The following OXR1 variants were observed in gnomAD, a reference collection of about 807,000 sequenced individuals.
OXR1 encodes oxidation resistance protein 1.
In OXR1, 41 loss-of-function variants were observed where a neutral mutation model predicts 104.6. The ratio of observed to expected loss-of-function variants is 0.39; its 90% CI spans 0.31 to 0.51. OXR1 has a LOEUF of 0.51. Ranked by LOEUF, OXR1 falls within the 20% of genes least tolerant of loss-of-function variation. The pLI is 0.77. For missense variants in OXR1, 955 were observed against 1,031.9 expected, an observed-to-expected ratio of 0.93 and a Z score of 1.02; for synonymous variants, 348 against 348.4, an observed-to-expected ratio of 1.00 and a Z score of 0.01.
intron 3 of OXR1, among the ~76,000 whole-genome samples, chr8:106,553,865 A>G (rs1200769760): frequency 6.6e-6 from 1 of 152,028 alleles, no homozygotes; most frequent in Non-Finnish European, 1.5e-5. Flanking sequence ...CCATTACCTT[A>G]AGCTCCCTGA....
intron 3 of OXR1, among the ~76,000 whole-genome samples, chr8:106,642,645 T>C (rs1823748732): frequency 6.6e-6 from 1 of 152,154 alleles, no homozygotes; most frequent in South Asian, 2.1e-4. Flanking sequence ...CAAAAAGGAA[T>C]CTGGGAAATG....
rs556243993 is a variant in OXR1 at position 106,316,289 on chromosome 8, A to G, written c.-138-43187A>G. ...TTTCTCTGTCAAAATAGACAAACCC[A>G]GGTTAATAAAAATAGCCAGGGAGTT... On this transcript the variant is annotated intron_variant, in intron 1 of 16. Transcript: ENST00000517566. 1.9e-4 allele frequency among the ~76,000 whole-genome samples: 29 copies of G among 152,338 alleles called. No individual in the cohort carries two copies. In the South Asian group the frequency reaches 5.8e-3, roughly 30 times the overall value.
At chr8:106,300,509 T>A (rs1270584726) in intron 1 of OXR1, among the ~76,000 whole-genome samples, 1 of 151,900 alleles carries the variant, frequency 6.6e-6, no homozygotes, top group Non-Finnish European at 1.5e-5. Context: ...CCTGTTATAC[T>A]AGATCCTACA....
intron 2 of OXR1, among the ~76,000 whole-genome samples, chr8:106,396,730 C>A (rs1463957115): frequency 6.6e-6 from 1 of 151,846 alleles, no homozygotes; most frequent in Non-Finnish European, 1.5e-5. Flanking sequence ...ATGGTAAAAA[C>A]CGCTATTACT....
At chr8:106,298,465 G>C (rs1267024793) in intron 1 of OXR1, among the ~76,000 whole-genome samples, 2 of 152,110 alleles carry the variant, frequency 1.3e-5, no homozygotes, top group Non-Finnish European at 2.9e-5. Flanking sequence ...CGACATGTGG[G>C]GATTATGGGA....
In OXR1 at chr8:106,660,244, C is replaced by G. The variant is rs1586991090; in HGVS notation, c.221-18966C>G. On this transcript the variant is annotated intron_variant, in intron 3 of 16. Coordinates refer to ENST00000517566, the MANE Select transcript of OXR1 (RefSeq NM_001198533.2). Reference sequence around the variant, plus strand: ...TAAATGATTCTTCATATGTTTCCAGCTAGCCTTTGTTTAAAATGAGAATTC... The same window carrying G: ...TAAATGATTCTTCATATGTTTCCAGGTAGCCTTTGTTTAAAATGAGAATTC... Among the ~76,000 whole-genome samples, 6 of 151,572 alleles carry G rather than the reference C, an allele frequency of 4.0e-5. 1 individual carries two copies. Among genetic ancestry groups the G allele is most frequent in the Admixed American group, 3.9e-4 (6 of 15,288 alleles).
intron 2 of OXR1, among the ~76,000 whole-genome samples, chr8:106,450,093 T>C (rs1010588183): frequency 1.3e-5 from 2 of 152,230 alleles, no homozygotes; most frequent in African/African-American, 4.8e-5. Context: ...AATCATAATT[T>C]ATTCATGCAA....
intron 1 of OXR1, among the ~76,000 whole-genome samples, chr8:106,290,839 T>C (rs1316076940): frequency 2.0e-5 from 3 of 152,200 alleles, no homozygotes; most frequent in Non-Finnish European, 4.4e-5. Flanking sequence ...TTATACATTG[T>C]TGGTGGGAAT....
chr8:106,728,186 C>A (rs918972402), intron 11 of OXR1, among the ~76,000 whole-genome samples: 1 of 144,136 alleles, frequency 6.9e-6, no homozygotes, highest in African/African-American at 2.6e-5. Flanking sequence ...TAAGATTTTG[C>A]CTGACAAGGG....
At chr8:106,318,716 G>T (rs1586516431) in intron 1 of OXR1, among the ~76,000 whole-genome samples, 1 of 152,232 alleles carries the variant, frequency 6.6e-6, no homozygotes, top group East Asian at 1.9e-4. Flanking sequence ...TGGCTCCTTT[G>T]TTCATATCAC....
chr8:106,363,967 A>C (rs1305395206), intron 2 of OXR1, among the ~76,000 whole-genome samples: 2 of 151,972 alleles, frequency 1.3e-5, no homozygotes, highest in African/African-American at 4.8e-5. Flanking sequence ...AAAAGGGTCC[A>C]TTATGTATGC....
chr8:106,463,445 C>A (rs1251444252), intron 2 of OXR1, among the ~76,000 whole-genome samples: 1 of 152,022 alleles, frequency 6.6e-6, no homozygotes, highest in Non-Finnish European at 1.5e-5. Flanking sequence ...TCATAATCTC[C>A]CCTTAATAAA....
intron 2 of OXR1, among the ~76,000 whole-genome samples, chr8:106,390,586 T>C (rs1470427092): frequency 3.3e-5 from 5 of 152,178 alleles, no homozygotes; most frequent in African/African-American, 1.2e-4. Flanking sequence ...CCCAGGCAAC[T>C]TGGCTTTAGT....
chr8:106,463,563 A>T (rs1056481219), intron 2 of OXR1, among the ~76,000 whole-genome samples: 2 of 150,204 alleles, frequency 1.3e-5, no homozygotes, highest in African/African-American at 4.8e-5. Flanking sequence ...ATTTTGTATG[A>T]TGAGAATACA....
intron 3 of OXR1, among the ~76,000 whole-genome samples, chr8:106,673,651 G>A (rs1005289177): frequency 6.6e-6 from 1 of 152,122 alleles, no homozygotes; most frequent in Non-Finnish European, 1.5e-5. Flanking sequence ...AGAGACCTTC[G>A]TGGTTGCCCT....
At chr8:106,490,429 G>T (rs1253583431) in intron 2 of OXR1, among the ~76,000 whole-genome samples, 2 of 152,106 alleles carry the variant, frequency 1.3e-5, no homozygotes, top group African/African-American at 4.8e-5. Flanking sequence ...CATGATCTTG[G>T]CTCACTGCAA....
chr8:106,715,276 CACT>C (rs1485907769), intron 11 of OXR1, among the ~76,000 whole-genome samples: 1 of 151,664 alleles, frequency 6.6e-6, no homozygotes, highest in East Asian at 1.9e-4. Context: ...AAATCCATCA[CACT>C]ACTTGATACT....
At chr8:106,352,211 A>G (rs969270438) in intron 1 of OXR1, among the ~76,000 whole-genome samples, 1 of 152,204 alleles carries the variant, frequency 6.6e-6, no homozygotes, top group Non-Finnish European at 1.5e-5. Context: ...AATATATCTC[A>G]GAGGTAGAAT....
chr8:106,687,636 C>T (rs988959634), intron 6 of OXR1, among the ~76,000 whole-genome samples: 2 of 151,492 alleles, frequency 1.3e-5, no homozygotes, highest in African/African-American at 2.4e-5. Context: ...GGGAGAATCA[C>T]GTGAACCCAG....
Sources: allele counts gnomAD v4.1 joint callset (sites outside exome capture counted in the v4.1 genomes callset), GRCh38; gene constraint gnomAD v4.1.1; transcripts MANE v1.5; gene names NCBI Gene and HGNC (gene_info 2026-07-23, HGNC 2026-07-21).